The following NFX1 variants were observed in gnomAD, a reference collection of about 807,000 sequenced individuals.
NFX1 encodes transcriptional repressor NF-X1.
In NFX1, 69 loss-of-function variants were observed where a neutral mutation model predicts 137.2. That is an observed-to-expected ratio of 0.50 (90% CI 0.41 to 0.61). The LOEUF (loss-of-function observed/expected upper bound fraction) is 0.61, where lower values mean the gene tolerates loss of function less well. Among genes scored for constraint, NFX1 ranks in the 20% least tolerant of loss-of-function variants. The pLI is 0.00. For missense variants in NFX1, 1,167 were observed against 1,391.0 expected (o/e 0.84, Z 2.56); for synonymous variants, 495 against 474.1 (o/e 1.04, Z -0.57).
rs188986523 is a variant in NFX1 at position 33,320,769 on chromosome 9, A to T, written c.1906+1642A>T. Reference sequence around the variant, plus strand: ...TAGGCAACTGAGATTGAATAGGAAAATTATTTCTAAAACTAACCATGTATC... The same window carrying T: ...TAGGCAACTGAGATTGAATAGGAAATTTATTTCTAAAACTAACCATGTATC... On this transcript the variant is annotated intron_variant, in intron 9 of 23. Coordinates refer to ENST00000379540, the MANE Select transcript of NFX1 (RefSeq NM_002504.6). 7.9e-4 allele frequency among the ~76,000 whole-genome samples: 121 copies of T among 152,344 alleles called. No individual in the cohort carries two copies. In the Middle Eastern group the frequency reaches 0.01, roughly 13 times the overall value.
chr9:33,321,605 G>T (rs1278704511), intron 9 of NFX1, among the ~76,000 whole-genome samples: 1 of 152,230 alleles, frequency 6.6e-6, no homozygotes, highest in Non-Finnish European at 1.5e-5. Flanking sequence ...GCTGGGCATG[G>T]TGGCTCATAC....
intron 12 of NFX1, among the ~76,000 whole-genome samples, chr9:33,341,727 C>T (rs62542729): frequency 0.055 from 8,393 of 152,180 alleles, 259 homozygotes; most frequent in East Asian, 0.094. Context: ...CCAAGGAATT[C>T]AAGGCCAGCC....
At chr9:33,344,549 T>C (rs993862917) in intron 14 of NFX1, among the ~76,000 whole-genome samples, 1 of 152,222 alleles carries the variant, frequency 6.6e-6, no homozygotes, top group African/African-American at 2.4e-5. Flanking sequence ...AAGCAATATA[T>C]ATTTATCGTA....
chr9:33,338,640 C>A, intron 12 of NFX1, 51 bp downstream of exon 12: 2 of 1,482,194 alleles, frequency 1.3e-6, no homozygotes, highest in Non-Finnish European at 1.8e-6. Flanking sequence ...AGGTGCTGGG[C>A]TTCTGGAAGC....
In NFX1 at chr9:33,332,572, G is replaced by A. The variant is rs936167106; in HGVS notation, c.2035+70G>A. ...TCGTCACTCTGAATCTTGTTAGGGAGTTGGGTTATGTATTTGTCAAAATTC... is the reference window on the plus strand; with the variant it reads ...TCGTCACTCTGAATCTTGTTAGGGAATTGGGTTATGTATTTGTCAAAATTC... On this transcript the variant is annotated intron_variant, in intron 11 of 23. Transcript: ENST00000379540. 12 of 1,166,216 alleles carry A rather than the reference G, an allele frequency of 1.0e-5. No individual in the cohort carries two copies. In the African/African-American group the frequency reaches 1.8e-4, roughly 18 times the overall value. 72.2% of individuals were successfully genotyped at this position (1,166,216 alleles called of 1,614,324 possible).
At position 33,313,686 on chromosome 9, in the gene NFX1, TCCACTGTTCTAAC is replaced by T; in HGVS notation, c.1485_1497del (p.Cys496ValfsTer5). ...GTTCGCTGTGGTCAGGCTGTCTCAG[TCCACTGTTCTAAC>T]CCATGTGAGAATATTTTGAACTGTG... On this transcript the variant is annotated frameshift_variant, in exon 7 of 24. Coordinates refer to ENST00000379540, the MANE Select transcript of NFX1 (RefSeq NM_002504.6). LOFTEE classifies it high-confidence loss of function. 1 of 1,614,146 alleles carries T rather than the reference TCCACTGTTCTAAC, an allele frequency of 6.2e-7. No homozygotes were observed. The highest frequency in any genetic ancestry group is 8.5e-7 in the Non-Finnish European group (1 of 1,180,002).
chr9:33,352,600 A>G (rs1053414072), intron 16 of NFX1, 46 bp from the exon 17 acceptor site: 1 of 1,511,212 alleles, frequency 6.6e-7, no homozygotes, highest in Non-Finnish European at 9.2e-7. Flanking sequence ...CTTTATTCAC[A>G]TAGTTCCAGT....
chr9:33,322,218 GTC>G (rs1186129403), intron 9 of NFX1, among the ~76,000 whole-genome samples: 1 of 143,448 alleles, frequency 7.0e-6, no homozygotes, highest in Non-Finnish European at 1.5e-5. Flanking sequence ...AAAAAAAAAA[GTC>G]TCTAGAAATT....
At position 33,326,934 on chromosome 9, in the gene NFX1, A is replaced by G. The variant is rs180764161; in HGVS notation, c.1907-1647A>G. ...TGGAGTTAGTATAAATCTGAAGTAG[A>G]TTCTGATAAGATGTATATGGTAAGC... On this transcript the variant is annotated intron_variant, in intron 9 of 23. Coordinates refer to ENST00000379540, the MANE Select transcript of NFX1 (RefSeq NM_002504.6). 8.5e-5 allele frequency among the ~76,000 whole-genome samples: 13 copies of G among 152,326 alleles called. No homozygotes were observed. The East Asian group carries it at 2.5e-3, about 29-fold the overall frequency.
intron 3 of NFX1, among the ~76,000 whole-genome samples, chr9:33,302,353 C>T (rs907228776): frequency 7.7e-6 from 1 of 130,244 alleles, no homozygotes; most frequent in African/African-American, 2.8e-5. Flanking sequence ...TTCTATCTAA[C>T]TGTATTTTTT....
At chr9:33,362,231 A>T (rs1293324144) in intron 19 of NFX1, among the ~76,000 whole-genome samples, 2 of 152,214 alleles carry the variant, frequency 1.3e-5, no homozygotes, top group Non-Finnish European at 2.9e-5. Context: ...CTCACATTAA[A>T]AATAGAACTA....
chr9:33,336,054 G>A (rs1822990203), intron 11 of NFX1, among the ~76,000 whole-genome samples: 1 of 152,110 alleles, frequency 6.6e-6, no homozygotes, highest in Non-Finnish European at 1.5e-5. Context: ...ATATACCTAG[G>A]AGTAGAATTG....
chr9:33,336,577 A>C (rs781577269), intron 11 of NFX1, among the ~76,000 whole-genome samples: 2 of 152,066 alleles, frequency 1.3e-5, no homozygotes, highest in African/African-American at 4.8e-5. Flanking sequence ...ACATGATGTG[A>C]TGTCTCTGAT....
rs1310551646 is a variant in NFX1 at position 33,370,933 on chromosome 9, T to C, written c.*955T>C. 2 of 152,284 alleles carry C rather than the reference T, an allele frequency of 1.3e-5. No individual in the cohort carries two copies. The highest frequency in any genetic ancestry group is 4.8e-5 in the African/African-American group (2 of 41,470). 9.4% of individuals were successfully genotyped at this position (152,284 alleles called of 1,614,324 possible). A position where few individuals can be genotyped will look rare whatever the true frequency, so the allele number is the denominator to read the frequency against. The stretch of plus-strand genomic sequence containing the variant: ...TAGTATATGGACAGTCCAGGGCTTA[T>C]GCCCAGCAGCCCACTGGAGGCATTC... On this transcript the variant is annotated 3_prime_UTR_variant, in exon 24 of 24. Transcript: ENST00000379540.
In NFX1 at chr9:33,342,804, G is replaced by A; in HGVS notation, c.2174G>A (p.Arg725Lys). 3.7e-6 allele frequency: 6 copies of A among 1,613,884 alleles called. No homozygotes were observed. The highest frequency in any genetic ancestry group is 5.1e-6 in the Non-Finnish European group (6 of 1,179,922). The change falls in exon 13 of 24, where the codon AGG becomes AAG. Residue 725 changes from arginine to lysine, a missense_variant. Transcript: ENST00000379540. ...AGGAAACTCCGTTGTGGCCTTCATA[G>A]GTGTGAAGAACCTTGTCATCGTGGA... ...CGRKLRCGLH[R>K]CEEPCHRGNC...
In NFX1 at chr9:33,366,546, C is replaced by A. The variant is rs141198855; in HGVS notation, c.3040-83C>A. On this transcript the variant is annotated intron_variant, in intron 21 of 23. Coordinates refer to ENST00000379540, the MANE Select transcript of NFX1 (RefSeq NM_002504.6). ...TAAAATCACCTCTTATTGATCCCTG[C>A]AATTCTTGTGTGGTAAGATTAGTTG... 8 of 1,520,012 alleles carry A rather than the reference C, an allele frequency of 5.3e-6. No homozygotes were observed. The South Asian group carries it at 8.2e-5, about 16-fold the overall frequency. 94.2% of individuals were successfully genotyped at this position (1,520,012 alleles called of 1,614,324 possible).
At chr9:33,327,507 G>T (rs940456499) in intron 9 of NFX1, among the ~76,000 whole-genome samples, 2 of 152,180 alleles carry the variant, frequency 1.3e-5, no homozygotes, top group East Asian at 3.9e-4. Context: ...TGGGATTACA[G>T]GTGGGCGCCA....
intron 9 of NFX1, among the ~76,000 whole-genome samples, chr9:33,321,052 A>G (rs186872727): frequency 4.1e-4 from 62 of 152,328 alleles, no homozygotes; most frequent in Admixed American, 1.3e-3. Flanking sequence ...TGGAGATCAA[A>G]TGACTAGTAA....
intron 12 of NFX1, among the ~76,000 whole-genome samples, chr9:33,341,433 G>A (rs1432989266): frequency 2.0e-5 from 3 of 152,100 alleles, no homozygotes; most frequent in South Asian, 2.1e-4. Flanking sequence ...GATAAGATTT[G>A]GGTGGAGACA....
Sources: gnomAD v4.1 joint callset for allele counts (sites outside exome capture counted in the v4.1 genomes callset) on GRCh38, gnomAD v4.1.1 for gene constraint, MANE v1.5 for transcripts, NCBI Gene and HGNC (gene_info 2026-07-23, HGNC 2026-07-21) for gene names.